Variants in BTN3A2 observed in about 807,000 individuals in gnomAD.
BTN3A2 encodes the protein butyrophilin subfamily 3 member A2, also known as butyrophilin protein.
Under a neutral mutation model 37.6 loss-of-function variants are expected in BTN3A2, and 25 were observed. That is an observed-to-expected ratio of 0.66 (90% confidence interval 0.48 to 0.93). BTN3A2 has a LOEUF of 0.93. Ranked by LOEUF, BTN3A2 falls within the 40% of genes least tolerant of loss-of-function variation. The pLI is 0.00. For missense variants in BTN3A2, 266 were observed against 410.9 expected (o/e 0.65, Z 3.05); for synonymous variants, 122 against 159.4 (o/e 0.77, Z 1.77).
chr6:26,375,459 A>T, intron 10 of BTN3A2: 1 of 563,238 alleles, frequency 1.8e-6, no homozygotes, highest in Non-Finnish European at 3.1e-6. Context: ...GCAGGGAGGA[A>T]GCAGGAAATT....
chr6:26,367,084 T>C (rs1759582982), intron 1 of BTN3A2, among the ~76,000 whole-genome samples: 1 of 152,254 alleles, frequency 6.6e-6, no homozygotes, highest in Admixed American at 6.5e-5. Context: ...CAGAAATGTA[T>C]AGCTTTGCTT....
At chr6:26,374,454 T>C (rs1241366675) in intron 9 of BTN3A2, 81 bp downstream of exon 9, 20 of 1,426,622 alleles carry the variant, frequency 1.4e-5, no homozygotes, top group Non-Finnish European at 1.8e-5. Context: ...CTGGATTAAT[T>C]AGATCTAATC....
Position 26,365,335 on chromosome 6 carries a change from C to CA in BTN3A2, c.-82dup, listed in dbSNP as rs1761941870. On this transcript the variant is annotated 5_prime_UTR_variant, in exon 1 of 11. The change creates a new upstream start codon in the 5' untranslated region. Transcript: ENST00000377708. ...CTTTATTCTGTGGGCTCTGATTCTC[C>CA]AATGGGAATACCAAGGGGTAAGTGC... 2 of 1,535,902 alleles carry CA rather than the reference C, an allele frequency of 1.3e-6. No homozygotes were observed. Among genetic ancestry groups the CA allele is most frequent in the Non-Finnish European group, 1.7e-6 (2 of 1,146,708 alleles).
chr6:26,372,333 ATTC>A (rs1760196505), intron 5 of BTN3A2, among the ~76,000 whole-genome samples: 1 of 152,180 alleles, frequency 6.6e-6, no homozygotes, highest in Admixed American at 6.5e-5. Context: ...TATTAATTCA[ATTC>A]TTCTAACCTC....
intron 5 of BTN3A2, among the ~76,000 whole-genome samples, chr6:26,371,864 A>C (rs1300074922): frequency 6.6e-6 from 1 of 152,100 alleles, no homozygotes; most frequent in Non-Finnish European, 1.5e-5. Context: ...TTTTTAGTAG[A>C]GACAAGGTTT....
Position 26,373,301 on chromosome 6 carries a change from G to T in BTN3A2, c.937+5G>T, listed in dbSNP as rs754446360. The T allele has an allele frequency of 9.2e-6, 14 of 1,514,454 alleles. No homozygotes were observed. The African/African-American group carries it at 2.2e-4, about 24-fold the overall frequency. 93.8% of individuals were successfully genotyped at this position (1,514,454 alleles called of 1,614,324 possible). A position where few individuals can be genotyped will look rare whatever the true frequency, so the allele number is the denominator to read the frequency against. On this transcript the variant is annotated splice_donor_5th_base_variant and intron_variant, in intron 7 of 10. Coordinates refer to ENST00000377708, the MANE Select transcript of BTN3A2 (RefSeq NM_007047.5). ...AGAGCCTCCAGGAGGAACTCAGTAAGTTACCATTCCCCCAGAGATCCAGAC... is the reference window on the plus strand; with the variant it reads ...AGAGCCTCCAGGAGGAACTCAGTAATTTACCATTCCCCCAGAGATCCAGAC...
chr6:26,374,510 G>A, intron 9 of BTN3A2, 137 bp downstream of exon 9: 1 of 1,020,040 alleles, frequency 9.8e-7, no homozygotes, highest in Non-Finnish European at 1.5e-6. Flanking sequence ...CCGCTTTTCT[G>A]GAGCCTCTGA....
chr6:26,373,206 C>G (rs145639750), intron 6 of BTN3A2, 70 bp from the exon 7 acceptor site: 1 of 1,600,508 alleles, frequency 6.2e-7, no homozygotes, highest in Non-Finnish European at 8.5e-7. Context: ...GTTTATTTCC[C>G]GAAACACCAA....
At chr6:26,373,739 C>T in intron 8 of BTN3A2, 2 of 274,230 alleles carry the variant, frequency 7.3e-6, no homozygotes, top group African/African-American at 2.2e-5. Flanking sequence ...TGGCAGGAAA[C>T]TTACTTGTTG....
At position 26,365,357 on chromosome 6, in the gene BTN3A2, G is replaced by A; in HGVS notation, c.-67+5G>A. On this transcript the variant is annotated splice_donor_5th_base_variant and intron_variant, in intron 1 of 10. Transcript: ENST00000377708. ...CTCCAATGGGAATACCAAGGGGTAA[G>A]TGCAGGAAATTGATTAGAGCCTGGG... The A allele has an allele frequency of 6.5e-7, 1 of 1,536,194 alleles. No individual in the cohort carries two copies. The highest frequency in any genetic ancestry group is 8.7e-7 in the Non-Finnish European group (1 of 1,146,876).
rs1331193598 is a variant in BTN3A2, at chr6:26,374,143, G to C, written c.965-184G>C. On this transcript the variant is annotated intron_variant, in intron 8 of 10. Coordinates refer to ENST00000377708, the MANE Select transcript of BTN3A2 (RefSeq NM_007047.5). Reference sequence around the variant, plus strand: ...CCGATGTTCCCAGACTTGATATTAAGAAGAGGTGAAGAAAGAATTGTACCT... The same window carrying C: ...CCGATGTTCCCAGACTTGATATTAACAAGAGGTGAAGAAAGAATTGTACCT... 3 of 502,564 alleles carry C rather than the reference G, an allele frequency of 6.0e-6. 1 individual carries two copies. Among genetic ancestry groups the C allele is most frequent in the Non-Finnish European group, 1.0e-5 (3 of 295,856 alleles). The allele number at this position is 502,564 out of a possible 1,614,324, so 31.1% of individuals were successfully genotyped here.
In BTN3A2 at chr6:26,373,280, C is replaced by A; in HGVS notation, c.921C>A (p.Ser307Arg). The A allele has an allele frequency of 1.3e-6, 2 of 1,572,812 alleles. No homozygotes were observed. Among genetic ancestry groups the A allele is most frequent in the Non-Finnish European group, 1.7e-6 (2 of 1,162,990 alleles). The change falls in exon 7 of 11, where the codon AGC becomes AGA. Residue 307 changes from serine (S) to arginine (R), a missense_variant. Ser to Arg is a moderately radical substitution (Grantham distance 110). Around this residue, in one of 3 missense-constraint regions of BTN3A2, gnomAD observed 204 missense variants for 232.6 expected, o/e 0.88. Transcript: ENST00000377708. ...TTTTTTTTGGTTATTTTCCAGAGAG[C>A]CTCCAGGAGGAACTCAGTAAGTTAC... ...ATEREISLRE[S>R]LQEELKRKKI...
intron 5 of BTN3A2, 160 bp from the exon 6 acceptor site, chr6:26,372,737 A>T: frequency 1.2e-6 from 1 of 806,474 alleles, no homozygotes; most frequent in Non-Finnish European, 1.9e-6. Context: ...CCAAAGTCTT[A>T]TCTATAGTCC....
At chr6:26,371,681 G>T (rs1693250332) in intron 5 of BTN3A2, among the ~76,000 whole-genome samples, 2 of 151,584 alleles carry the variant, frequency 1.3e-5, no homozygotes, top group Non-Finnish European at 2.9e-5. Flanking sequence ...CGTTGTGTGT[G>T]TGTCTTTTTT....
intron 5 of BTN3A2, among the ~76,000 whole-genome samples, chr6:26,372,299 A>G (rs1760194355): frequency 6.6e-6 from 1 of 152,204 alleles, no homozygotes; most frequent in Non-Finnish European, 1.5e-5. Context: ...TGTAACACTT[A>G]CTGTACATCA....
rs376536724 is a variant in BTN3A2 at position 26,368,646 on chromosome 6, C to G, written c.167C>G (p.Pro56Arg). The G allele has an allele frequency of 6.2e-7, 1 of 1,614,046 alleles. No homozygotes were observed. Among genetic ancestry groups the G allele is most frequent in the Non-Finnish European group, 8.5e-7 (1 of 1,179,884 alleles). Residue 56 changes from proline to arginine, a missense_variant, in exon 4 of 11, where the codon CCG becomes CGG. Pro to Arg is a moderately radical substitution (Grantham distance 103). Coordinates refer to ENST00000377708, the MANE Select transcript of BTN3A2 (RefSeq NM_007047.5). The part of the protein sequence containing the change: ...EDADLPCHLF[P>R]TMSAETMELK... ...GCTGATCTGCCCTGTCACCTGTTCC[C>G]GACCATGAGTGCAGAGACCATGGAG...
At chr6:26,366,228 A>T (rs1176101208) in intron 1 of BTN3A2, among the ~76,000 whole-genome samples, 3 of 151,226 alleles carry the variant, frequency 2.0e-5, no homozygotes, top group Non-Finnish European at 4.4e-5. Flanking sequence ...TTTATTTTGG[A>T]TTTTTCAGTT....
At chr6:26,373,178 C>T in intron 6 of BTN3A2, 81 bp downstream of exon 6, 1 of 1,604,186 alleles carries the variant, frequency 6.2e-7, no homozygotes. Context: ...CCTACCCTGG[C>T]ACTGCATCAT....
Position 26,377,002 on chromosome 6 carries a change from T to G in BTN3A2, c.*1240T>G. On this transcript the variant is annotated 3_prime_UTR_variant, in exon 11 of 11. Transcript: ENST00000377708. ...TACAATGCCACGGATGGATCTCATA[T>G]CTACACATTTCTGCACGCCTCTTCC... is the stretch of plus-strand genomic sequence containing the variant. 1 of 1,457,468 alleles carries G rather than the reference T, an allele frequency of 6.9e-7. No homozygotes were observed. The highest frequency in any genetic ancestry group is 2.3e-5 in the East Asian group (1 of 43,982). The allele number at this position is 1,457,468 out of a possible 1,614,324, so 90.3% of individuals were successfully genotyped here.
Sources: allele counts gnomAD v4.1 joint callset (sites outside exome capture counted in the v4.1 genomes callset), GRCh38; gene constraint gnomAD v4.1.1; regional missense constraint gnomAD v4.1.1; transcripts MANE v1.5; gene names NCBI Gene and HGNC (gene_info 2026-07-23, HGNC 2026-07-21).